DNAAF5: variants seen among roughly 807,000 people sequenced by gnomAD.
DNAAF5 encodes dynein axonemal assembly factor 5.
A neutral mutation model predicts 75.8 loss-of-function variants in DNAAF5; 64 were observed. That is an observed-to-expected ratio of 0.84 (90% CI 0.69 to 1.04). DNAAF5 has a LOEUF of 1.04. Among genes scored for constraint, DNAAF5 ranks in the 50% least tolerant of loss-of-function variants. The probability of loss-of-function intolerance (pLI) is 0.00; values close to 1 mark genes in which losing one functional copy is unlikely to be tolerated. For synonymous variants in DNAAF5, 657 were observed against 557.2 expected, an observed-to-expected ratio of 1.18 and a Z score of -2.52; for missense variants, 1,269 against 1,178.5, an observed-to-expected ratio of 1.08 and a Z score of -1.12.
intron 6 of DNAAF5, among the ~76,000 whole-genome samples, chr7:759,053 C>T (rs1350691047): frequency 1.3e-5 from 2 of 152,182 alleles, no homozygotes; most frequent in Non-Finnish European, 2.9e-5. Flanking sequence ...CAGTCAGAAT[C>T]AGGCCCGTGG....
chr7:785,821 T>G lies in DNAAF5; in HGVS notation c.*168T>G. ...TTTCCCTGGAATAACAGCCTCTGAG[T>G]GGATTCTGCATGTTATGTGATTTGT... On this transcript the variant is annotated 3_prime_UTR_variant, in exon 13 of 13. Transcript: ENST00000297440. The G allele has an allele frequency of 1.5e-6, 1 of 684,764 alleles. No individual in the cohort carries two copies. Among genetic ancestry groups the G allele is most frequent in the Non-Finnish European group, 2.4e-6 (1 of 419,580 alleles). The allele number at this position is 684,764 out of a possible 1,614,324, so 42.4% of individuals were successfully genotyped here.
chr7:757,726 A>T (rs960681351), intron 6 of DNAAF5, among the ~76,000 whole-genome samples: 2 of 152,234 alleles, frequency 1.3e-5, no homozygotes, highest in African/African-American at 4.8e-5. Context: ...GGTCCCTGTC[A>T]GTGTGTGTGT....
rs564310432 is a variant in DNAAF5 at position 738,224 on chromosome 7, T to C, written c.781-2595T>C. 9.8e-5 allele frequency among the ~76,000 whole-genome samples: 15 copies of C among 152,348 alleles called. 1 individual carries two copies. In the South Asian group the frequency reaches 3.1e-3, roughly 32 times the overall value. Reference sequence around the variant, plus strand: ...AGAGGCTCCAATGCATTCTTCAGTATGCTAATTCCTTTTTTCTACGCCAGA... The same window carrying C: ...AGAGGCTCCAATGCATTCTTCAGTACGCTAATTCCTTTTTTCTACGCCAGA... On this transcript the variant is annotated intron_variant, in intron 2 of 12. Coordinates refer to ENST00000297440, the MANE Select transcript of DNAAF5 (RefSeq NM_017802.4).
intron 2 of DNAAF5, among the ~76,000 whole-genome samples, chr7:733,364 C>T (rs1341990459): frequency 2.0e-5 from 3 of 152,208 alleles, no homozygotes; most frequent in South Asian, 2.1e-4. Flanking sequence ...ATAGGGATTG[C>T]GTTGAGTCTG....
chr7:741,577 C>T (rs935580748), intron 4 of DNAAF5, 112 bp downstream of exon 4: 62 of 692,776 alleles, frequency 8.9e-5, no homozygotes, highest in African/African-American at 7.0e-4. Flanking sequence ...CCCAGGCGGC[C>T]GCGTCGGAAA....
At position 754,962 on chromosome 7, in the gene DNAAF5, C is replaced by T; in HGVS notation, c.1257+141C>T. ...CCCGGGCCGCAGGCCCTCCCCACAC[C>T]CAGCCCCTGGGAACAACTGATCTCC... is the stretch of plus-strand genomic sequence containing the variant. On this transcript the variant is annotated intron_variant, in intron 5 of 12. Coordinates refer to ENST00000297440, the MANE Select transcript of DNAAF5 (RefSeq NM_017802.4). The surrounding 1 kb of genome is among the most constrained non-coding windows in gnomAD (Gnocchi z 4.8). 3.2e-6 allele frequency: 2 copies of T among 631,754 alleles called. No homozygotes were observed. Among genetic ancestry groups the T allele is most frequent in the South Asian group, 4.1e-5 (2 of 48,272 alleles). The allele number at this position is 631,754 out of a possible 1,614,324, so 39.1% of individuals were successfully genotyped here.
rs1781909663 is a variant in DNAAF5 at position 741,463 on chromosome 7, A to G, written c.1022A>G (p.His341Arg). 1 of 1,284,084 alleles carries G rather than the reference A, an allele frequency of 7.8e-7. No individual in the cohort carries two copies. Among genetic ancestry groups the G allele is most frequent in the Non-Finnish European group, 1.1e-6 (1 of 948,720 alleles). The allele number at this position is 1,284,084 out of a possible 1,614,324, so 79.5% of individuals were successfully genotyped here. A position where few individuals can be genotyped will look rare whatever the true frequency, so the allele number is the denominator to read the frequency against. ...APPTPPHYPP[H>R]ERRPVLGCRE... Reference sequence around the variant, plus strand: ...CCCACCCCACCCCATTACCCTCCACATGGTGAGTGACCGCGGCAGAGGGGA... The same window carrying G: ...CCCACCCCACCCCATTACCCTCCACGTGGTGAGTGACCGCGGCAGAGGGGA... The change falls in exon 4 of 13, where the codon CAT becomes CGT. Residue 341 changes from histidine (H) to arginine (R), a missense_variant and splice_region_variant. Physicochemically the swap from His to Arg is conservative, Grantham distance 29 (BLOSUM62 0). Transcript: ENST00000297440.
intron 4 of DNAAF5, among the ~76,000 whole-genome samples, chr7:748,856 T>C (rs760431069): frequency 6.6e-6 from 1 of 152,184 alleles, no homozygotes; most frequent in Non-Finnish European, 1.5e-5. Flanking sequence ...GGTTGCCGAG[T>C]GCGTGAACAG....
At chr7:764,573 C>A (rs2128081344) in intron 8 of DNAAF5, among the ~76,000 whole-genome samples, 1 of 152,332 alleles carries the variant, frequency 6.6e-6, no homozygotes, top group South Asian at 2.1e-4. Context: ...CCCCGGCCCT[C>A]CCGCTCCCGC....
intron 10 of DNAAF5, among the ~76,000 whole-genome samples, chr7:774,647 G>C (rs533425336): frequency 1.4e-4 from 22 of 152,252 alleles, no homozygotes; most frequent in African/African-American, 5.1e-4. Context: ...CGCCCGGCGG[G>C]AAGGCGCTGC....
rs1395390854 is a variant in DNAAF5, at chr7:729,738, G to A, written c.671G>A (p.Arg224His). 5.0e-6 allele frequency: 8 copies of A among 1,614,022 alleles called. No homozygotes were observed. The highest frequency in any genetic ancestry group is 1.3e-5 in the African/African-American group (1 of 74,938). Reference sequence around the variant, plus strand: ...ATCTCCCACCAGCACTGGAAGGTCCGTGTGGCCGCCATTGAAGCCACAGGC... The same window carrying A: ...ATCTCCCACCAGCACTGGAAGGTCCATGTGGCCGCCATTGAAGCCACAGGC... ...QTISHQHWKVRVAAIEATGAV... is the reference protein window; with the variant it reads ...QTISHQHWKVHVAAIEATGAV... The change falls in exon 2 of 13, where the codon CGT becomes CAT. Residue 224 changes from arginine (R) to histidine (H), a missense_variant. Coordinates refer to ENST00000297440, the MANE Select transcript of DNAAF5 (RefSeq NM_017802.4).
At chr7:759,178 A>T (rs1782571839) in intron 6 of DNAAF5, among the ~76,000 whole-genome samples, 1 of 152,226 alleles carries the variant, frequency 6.6e-6, no homozygotes, top group African/African-American at 2.4e-5. Flanking sequence ...CTATGAGAAC[A>T]GGTTGAAAAT....
chr7:769,316 C>T, intron 8 of DNAAF5: 1 of 656,100 alleles, frequency 1.5e-6, no homozygotes, highest in South Asian at 1.6e-5. Context: ...GCCTTCAGCT[C>T]CTGGGCCTGC....
chr7:750,602 T>C lies in DNAAF5; in HGVS notation c.1025-3987T>C, dbSNP rs542615830. 1.5e-3 allele frequency among the ~76,000 whole-genome samples: 231 copies of C among 152,300 alleles called. 2 individuals are homozygous for C. The highest frequency in any genetic ancestry group is 5.3e-3 in the African/African-American group (220 of 41,560). On this transcript the variant is annotated intron_variant, in intron 4 of 12. Transcript: ENST00000297440. ...GGTTTGCCCTCCCCTGAGAATCTCA[T>C]GCCGCCACTGATCTGACAGGAGGTG...
intron 4 of DNAAF5, among the ~76,000 whole-genome samples, chr7:746,614 G>A (rs1371099009): frequency 2.7e-5 from 4 of 147,592 alleles, no homozygotes; most frequent in Admixed American, 6.8e-5. Flanking sequence ...GGACTGTGAC[G>A]CCCTCCTTAC....
intron 2 of DNAAF5, among the ~76,000 whole-genome samples, chr7:735,209 CGGTGTCATTGCTTAT>C (rs1781700770): frequency 7.9e-6 from 1 of 126,482 alleles, no homozygotes; most frequent in African/African-American, 3.1e-5. Flanking sequence ...TAGCTGCTCA[CGGTGTCATTGCTTAT>C]ATTGTAGTTG....
intron 10 of DNAAF5, 114 bp downstream of exon 10, chr7:774,312 C>A: frequency 8.9e-7 from 1 of 1,129,596 alleles, no homozygotes; most frequent in Non-Finnish European, 1.2e-6. Flanking sequence ...GCACCTCCAC[C>A]TGGGGCCCGT....
chr7:773,941 C>T, intron 9 of DNAAF5, 107 bp from the exon 10 acceptor site: 3 of 1,324,516 alleles, frequency 2.3e-6, no homozygotes, highest in South Asian at 2.4e-5. Flanking sequence ...GGGTCGAGTT[C>T]GTTTTCCTGT....
At chr7:769,597 G>A (rs959377553) in intron 8 of DNAAF5, among the ~76,000 whole-genome samples, 1 of 152,170 alleles carries the variant, frequency 6.6e-6, no homozygotes, top group African/African-American at 2.4e-5. Flanking sequence ...TTTGGTCGTT[G>A]TTTCAACTAT....
Sources: allele counts gnomAD v4.1 joint callset (sites outside exome capture counted in the v4.1 genomes callset), GRCh38; gene constraint gnomAD v4.1.1; non-coding constraint Gnocchi (gnomAD v3.1); transcripts MANE v1.5; gene names NCBI Gene and HGNC (gene_info 2026-07-23, HGNC 2026-07-21).